MAU2: variants seen among roughly 807,000 people sequenced by gnomAD.
MAU2 encodes MAU2 sister chromatid cohesion factor, also known as MAU2 chromatid cohesion factor homolog.
A neutral mutation model predicts 89.1 loss-of-function variants in MAU2; 9 were observed. The observed-to-expected ratio is 0.10, with a 90% confidence interval of 0.06 to 0.18. The LOEUF is 0.18. MAU2 is among the 10% of genes least tolerant of loss of function. The probability of loss-of-function intolerance (pLI) is 1.00; values close to 1 mark genes in which losing one functional copy is unlikely to be tolerated. For synonymous variants in MAU2, 357 were observed against 343.4 expected (o/e 1.04, Z -0.44); for missense variants, 425 against 803.5 (o/e 0.53, Z 5.69).
chr19:19,354,228 CAGA>C, intron 16 of MAU2, 124 bp from the exon 17 acceptor site: 1 of 704,178 alleles, frequency 1.4e-6, no homozygotes, highest in Admixed American at 2.0e-5. Flanking sequence ...TCACCAGACG[CAGA>C]AGGAGGTCAC....
Position 19,344,933 on chromosome 19 carries a change from AACCCTGTGAC to A in MAU2, c.1155+9_1155+18del, listed in dbSNP as rs1227988431. On this transcript the variant is annotated splice_region_variant and intron_variant, in intron 11 of 18. Transcript: ENST00000262815. Reference sequence around the variant, plus strand: ...ACAGCTGCACACATTGCTGGTGAGTAACCCTGTGACAACACCCCGGGAGAATCCAGAATGT... The same window carrying A: ...ACAGCTGCACACATTGCTGGTGAGTAAACACCCCGGGAGAATCCAGAATGT... 1 of 1,613,086 alleles carries A rather than the reference AACCCTGTGAC, an allele frequency of 6.2e-7. No homozygotes were observed. The highest frequency in any genetic ancestry group is 8.5e-7 in the Non-Finnish European group (1 of 1,179,732).
Position 19,333,520 on chromosome 19 carries a change from T to A in MAU2, c.277-2198T>A, listed in dbSNP as rs947034137. ...GAAAAGCTGTTGCTATGAGGAGACA[T>A]TGTTGGACCCACATGGGCCTGAGCT... On this transcript the variant is annotated intron_variant, in intron 1 of 18. Transcript: ENST00000262815. Among the ~76,000 whole-genome samples the A allele has an allele frequency of 2.0e-5, 3 of 152,110 alleles. No individual in the cohort carries two copies. The East Asian group carries it at 5.8e-4, about 29-fold the overall frequency.
At chr19:19,353,144 G>C (rs774490470) in intron 16 of MAU2, 2 of 152,242 alleles carry the variant, frequency 1.3e-5, no homozygotes, top group Non-Finnish European at 2.9e-5. Flanking sequence ...TCCTGAGCCT[G>C]TTAGGCTAGA....
intron 4 of MAU2, among the ~76,000 whole-genome samples, chr19:19,337,544 G>A (rs2061607387): frequency 6.6e-6 from 1 of 152,246 alleles, no homozygotes. Context: ...CTGACAGCGG[G>A]CCTGCTGCTT....
intron 1 of MAU2, chr19:19,334,514 G>C: frequency 7.1e-6 from 7 of 985,928 alleles, no homozygotes; most frequent in Non-Finnish European, 8.4e-6. Flanking sequence ...CCCAGCCGTG[G>C]ATCTCCAGGC....
intron 1 of MAU2, among the ~76,000 whole-genome samples, chr19:19,325,901 T>A (rs1373180460): frequency 6.6e-6 from 1 of 152,196 alleles, no homozygotes; most frequent in Non-Finnish European, 1.5e-5. Context: ...TTTTGCTTTC[T>A]CTCTAAGAGA....
At chr19:19,341,668 A>G (rs1331065403) in intron 7 of MAU2, among the ~76,000 whole-genome samples, 1 of 152,194 alleles carries the variant, frequency 6.6e-6, no homozygotes, top group Non-Finnish European at 1.5e-5. Context: ...CGCTCAGTGT[A>G]TGGATGCTCA....
At chr19:19,332,518 A>T (rs1037842960) in intron 1 of MAU2, among the ~76,000 whole-genome samples, 1 of 151,990 alleles carries the variant, frequency 6.6e-6, no homozygotes, top group Admixed American at 6.6e-5. Context: ...GAGCATCGCT[A>T]ACTCACAGTG....
intron 16 of MAU2, among the ~76,000 whole-genome samples, chr19:19,351,010 C>T (rs905646842): frequency 3.3e-5 from 5 of 152,014 alleles, no homozygotes; most frequent in Admixed American, 3.3e-4. Context: ...AGACCACCAG[C>T]CTGGGCAACC....
At position 19,345,394 on chromosome 19, in the gene MAU2, C is replaced by T; in HGVS notation, c.1221+25C>T. The T allele has an allele frequency of 6.2e-7, 1 of 1,611,468 alleles. No homozygotes were observed. ...GGTAAGGTGCCGGCCCTCCTTGCTG[C>T]TCGGGGCGGGCCACACTTCTGAGTA... On this transcript the variant is annotated intron_variant, in intron 12 of 18. Transcript: ENST00000262815. This position sits in a 1 kb window ranked among gnomAD's most constrained non-coding sequence, Gnocchi z 4.9.
chr19:19,321,233 C>T, intron 1 of MAU2, 98 bp downstream of exon 1: 2 of 1,337,360 alleles, frequency 1.5e-6, no homozygotes, highest in Admixed American at 3.4e-5. Flanking sequence ...CGCTCCTCGG[C>T]GACCTGGGGG....
rs2061682768 is a variant in MAU2, at chr19:19,345,134, G to GGGTCTGAAAGGT, written c.1156-167_1156-156dup. The GGGTCTGAAAGGT allele has an allele frequency of 1.4e-6, 1 of 720,710 alleles. No individual in the cohort carries two copies. The highest frequency in any genetic ancestry group is 2.4e-6 in the Non-Finnish European group (1 of 420,628). 44.6% of individuals were successfully genotyped at this position (720,710 alleles called of 1,614,324 possible). A position where few individuals can be genotyped will look rare whatever the true frequency, so the allele number is the denominator to read the frequency against. On this transcript the variant is annotated intron_variant, in intron 11 of 18. Coordinates refer to ENST00000262815, the MANE Select transcript of MAU2 (RefSeq NM_015329.4). The surrounding 1 kb of genome is among the most constrained non-coding windows in gnomAD (Gnocchi z 4.9). ...ATCTTGTCCCACCCCACATTGGCTT[G>GGGTCTGAAAGGT]GGTCTGAAAGGTGGGGACAGTGAGC...
intron 12 of MAU2, among the ~76,000 whole-genome samples, chr19:19,346,614 G>C (rs1340290736): frequency 2.6e-5 from 4 of 152,166 alleles, no homozygotes; most frequent in African/African-American, 7.2e-5. Context: ...GATCTGTGCA[G>C]GTGGGGTCTG....
At position 19,355,374 on chromosome 19, in the gene MAU2, G is replaced by C. The variant is rs2048165950; in HGVS notation, c.1750G>C (p.Glu584Gln). 6.2e-7 allele frequency: 1 copy of C among 1,613,974 alleles called. No individual in the cohort carries two copies. The highest frequency in any genetic ancestry group is 8.5e-7 in the Non-Finnish European group (1 of 1,179,952). Reference protein sequence around the residue: ...QDHIEACSLPEHNLITWTDGP... With the variant: ...QDHIEACSLPQHNLITWTDGP... The stretch of plus-strand genomic sequence containing the variant: ...CCACATTGAGGCCTGCAGCCTCCCC[G>C]AACACAACCTCATCACGGTACGGGT... Residue 584 changes from glutamate (E) to glutamine (Q), a missense_variant, in exon 18 of 19, where the codon GAA becomes CAA. Around this residue, in one of 11 missense-constraint regions of MAU2, gnomAD observed 42 missense variants for 42.4 expected, o/e 0.99. Coordinates refer to ENST00000262815, the MANE Select transcript of MAU2 (RefSeq NM_015329.4).
chr19:19,350,342 G>T (rs759346387), intron 16 of MAU2, among the ~76,000 whole-genome samples: 1 of 150,620 alleles, frequency 6.6e-6, no homozygotes, highest in Non-Finnish European at 1.5e-5. Context: ...GGTGGCTCAT[G>T]CCTGTAATCC....
intron 17 of MAU2, 37 bp from the exon 18 acceptor site, chr19:19,355,227 G>A (rs199701123): frequency 1.3e-5 from 21 of 1,612,536 alleles, no homozygotes; most frequent in Non-Finnish European, 1.8e-5. Flanking sequence ...GCAGTGACAG[G>A]GCAAGGCGGG....
At position 19,343,819 on chromosome 19, in the gene MAU2, C is replaced by T; in HGVS notation, c.974-18C>T. ...CTCTGGCCTCCCCTGCATGCTTACC[C>T]CTGACTCTCACCCATAGTGCTGGAC... On this transcript the variant is annotated intron_variant, in intron 9 of 18. Transcript: ENST00000262815. The T allele has an allele frequency of 1.2e-6, 2 of 1,600,362 alleles. No individual in the cohort carries two copies. Among genetic ancestry groups the T allele is most frequent in the Non-Finnish European group, 1.7e-6 (2 of 1,168,558 alleles).
intron 16 of MAU2, 80 bp downstream of exon 16, chr19:19,349,516 G>T: frequency 8.1e-7 from 1 of 1,240,538 alleles, no homozygotes. Context: ...GCACCCTAAG[G>T]GTGGCATGGC....
chr19:19,349,125 A>G, intron 14 of MAU2, 30 bp from the exon 15 acceptor site: 1 of 1,612,058 alleles, frequency 6.2e-7, no homozygotes, highest in Non-Finnish European at 8.5e-7. Context: ...CAAAATCACC[A>G]CCCCATGTGA....
Sources: allele counts gnomAD v4.1 joint callset (sites outside exome capture counted in the v4.1 genomes callset), GRCh38; gene constraint gnomAD v4.1.1; regional missense constraint gnomAD v4.1.1; non-coding constraint Gnocchi (gnomAD v3.1); transcripts MANE v1.5; gene names NCBI Gene and HGNC (gene_info 2026-07-23, HGNC 2026-07-21).